IL1RAPL2: variants seen among roughly 807,000 people sequenced by gnomAD.
IL1RAPL2 encodes the protein interleukin 1 receptor accessory protein like 2, also known as X-linked interleukin-1 receptor accessory protein-like 2.
IL1RAPL2 carries 3 observed loss-of-function variants against 44.1 expected under a neutral mutation model. The ratio of observed to expected loss-of-function variants is 0.07; its 90% confidence interval spans 0.03 to 0.18. The LOEUF (loss-of-function observed/expected upper bound fraction) is 0.18. Among genes scored for constraint, IL1RAPL2 ranks in the 10% least tolerant of loss-of-function variants. The pLI is 1.00. For missense variants in IL1RAPL2, 391 were observed against 496.4 expected (o/e 0.79, Z 2.02); for synonymous variants, 181 against 178.8 (o/e 1.01, Z -0.10).
At chrX:105,307,524 TTATATTATA>T (rs2034753053) in intron 5 of IL1RAPL2, among the ~76,000 whole-genome samples, 1 of 55,469 alleles carries the variant, frequency 1.8e-5, no homozygotes, top group South Asian at 7.2e-4. Context: ...TATATATATT[TTATATTATA>T]TATATTATAT....
At chrX:104,849,527 T>C (rs1261037400) in intron 2 of IL1RAPL2, among the ~76,000 whole-genome samples, 1 of 108,269 alleles carries the variant, frequency 9.2e-6, no homozygotes, top group Non-Finnish European at 1.9e-5. Context: ...TAGCCTTAAA[T>C]ATATGAGCGT....
At chrX:105,008,747 C>G (rs2030990498) in intron 2 of IL1RAPL2, among the ~76,000 whole-genome samples, 1 of 111,561 alleles carries the variant, frequency 9.0e-6, no homozygotes, top group African/African-American at 3.3e-5. Context: ...CCAAAATAGA[C>G]AAATGGGATC....
chrX:104,592,832 A>G (rs1413738615), intron 1 of IL1RAPL2, among the ~76,000 whole-genome samples: 1 of 112,060 alleles, frequency 8.9e-6, no homozygotes. Context: ...ATATTTTACT[A>G]GTGAGAATGC....
intron 3 of IL1RAPL2, chrX:105,219,999 C>G: frequency 8.3e-7 from 1 of 1,209,593 alleles, no homozygotes; most frequent in Non-Finnish European, 1.1e-6. Flanking sequence ...CGAGGCTGGT[C>G]TGGGCCATTC....
At chrX:105,332,495 A>T (rs144655620) in intron 5 of IL1RAPL2, among the ~76,000 whole-genome samples, 1 of 111,612 alleles carries the variant, frequency 9.0e-6, no homozygotes, top group African/African-American at 3.3e-5. Context: ...GTTACTCAAC[A>T]TAGTACTGGA....
intron 6 of IL1RAPL2, among the ~76,000 whole-genome samples, chrX:105,680,063 C>G (rs1324188687): frequency 9.0e-6 from 1 of 110,903 alleles, no homozygotes. Context: ...TGCAGTGGTG[C>G]GATCTCGGCT....
At chrX:105,725,934 G>A (rs1034805151) in intron 7 of IL1RAPL2, among the ~76,000 whole-genome samples, 26 of 111,479 alleles carry the variant, frequency 2.3e-4, no homozygotes, top group Admixed American at 5.7e-4. Context: ...ACCTAGGGCC[G>A]TCCTTAATTT....
chrX:105,626,312 G>A (rs1043927358), intron 6 of IL1RAPL2, among the ~76,000 whole-genome samples: 1 of 111,369 alleles, frequency 9.0e-6, no homozygotes, highest in Admixed American at 9.6e-5. Flanking sequence ...TGAGAAATGA[G>A]GATTGCTGCT....
At chrX:105,219,115 T>C (rs1221052176) in intron 3 of IL1RAPL2, 20 of 1,208,887 alleles carry the variant, frequency 1.7e-5, no homozygotes, top group African/African-American at 3.5e-5. Flanking sequence ...GTATCTCCTG[T>C]CTCTTGGGTG....
intron 6 of IL1RAPL2, among the ~76,000 whole-genome samples, chrX:105,645,345 TG>T (rs1418427034): frequency 8.9e-6 from 1 of 111,996 alleles, no homozygotes; most frequent in Non-Finnish European, 1.9e-5. Flanking sequence ...TTTGTATTCC[TG>T]GGTTGCTTTT....
At chrX:104,814,667 A>G (rs1213561919) in intron 2 of IL1RAPL2, among the ~76,000 whole-genome samples, 2 of 112,093 alleles carry the variant, frequency 1.8e-5, no homozygotes, top group Non-Finnish European at 3.8e-5. Flanking sequence ...AACCTCCCTC[A>G]GTTGTCTTTC....
chrX:104,611,324 G>A (rs930857312), intron 1 of IL1RAPL2, among the ~76,000 whole-genome samples: 4 of 111,452 alleles, frequency 3.6e-5, no homozygotes, highest in African/African-American at 9.8e-5. Context: ...CCCTGATTGG[G>A]GCTGCTGCCT....
intron 2 of IL1RAPL2, among the ~76,000 whole-genome samples, chrX:105,175,285 A>G (rs1042636396): frequency 2.7e-5 from 3 of 111,773 alleles, no homozygotes; most frequent in Non-Finnish European, 5.6e-5. Flanking sequence ...ATTAATTCCA[A>G]TTATAGTACT....
At chrX:104,778,880 C>T (rs1245932233) in intron 2 of IL1RAPL2, among the ~76,000 whole-genome samples, 1 of 110,133 alleles carries the variant, frequency 9.1e-6, no homozygotes, top group Non-Finnish European at 1.9e-5. Flanking sequence ...GCCTTCAAAC[C>T]AAGTTTCAAA....
intron 5 of IL1RAPL2, among the ~76,000 whole-genome samples, chrX:105,369,639 G>C (rs759263599): frequency 1.8e-5 from 2 of 111,638 alleles, no homozygotes; most frequent in East Asian, 5.6e-4. Context: ...GGAGATAGCT[G>C]CTGAATGTTT....
At chrX:104,985,582 C>T (rs2030547097) in intron 2 of IL1RAPL2, among the ~76,000 whole-genome samples, 1 of 111,573 alleles carries the variant, frequency 9.0e-6, no homozygotes, top group East Asian at 2.8e-4. Flanking sequence ...ATGGTTATTC[C>T]AACCTGTTAC....
At chrX:105,298,776 T>G (rs2034673871) in intron 5 of IL1RAPL2, among the ~76,000 whole-genome samples, 1 of 108,784 alleles carries the variant, frequency 9.2e-6, no homozygotes, top group Non-Finnish European at 1.9e-5. Context: ...GCCAATTAGG[T>G]GAAAGAAATA....
chrX:105,560,674 C>T (rs1052686042), intron 6 of IL1RAPL2, among the ~76,000 whole-genome samples: 4 of 110,751 alleles, frequency 3.6e-5, no homozygotes, highest in African/African-American at 1.3e-4. Context: ...CCACCTCAGC[C>T]TCCTCCCAAA....
chrX:105,038,092 C>A (rs1374589430), intron 2 of IL1RAPL2, among the ~76,000 whole-genome samples: 12 of 111,341 alleles, frequency 1.1e-4, no homozygotes, highest in Non-Finnish European at 2.1e-4. Context: ...CTTGATCCCC[C>A]ACTAATTGCA....
Sources: allele counts gnomAD v4.1 joint callset (sites outside exome capture counted in the v4.1 genomes callset), GRCh38; gene constraint gnomAD v4.1.1; transcripts MANE v1.5; gene names NCBI Gene and HGNC (gene_info 2026-07-23, HGNC 2026-07-21).